The following CNTNAP2 variants were observed in gnomAD, a reference collection of about 807,000 sequenced individuals.
CNTNAP2 encodes the protein contactin-associated protein-like 2.
A neutral mutation model predicts 155.2 loss-of-function variants in CNTNAP2; 98 were observed. The ratio of observed to expected loss-of-function variants is 0.63; its 90% CI spans 0.54 to 0.75. CNTNAP2 has a LOEUF of 0.75. Ranked by LOEUF, CNTNAP2 falls within the 30% of genes least tolerant of loss-of-function variation. The pLI is 0.00. For missense variants in CNTNAP2, 1,727 were observed against 1,688.1 expected, an observed-to-expected ratio of 1.02 and a Z score of -0.40; for synonymous variants, 651 against 631.2, an observed-to-expected ratio of 1.03 and a Z score of -0.47.
chr7:146,733,680 T>A (rs929103759), intron 1 of CNTNAP2, among the ~76,000 whole-genome samples: 1 of 151,820 alleles, frequency 6.6e-6, no homozygotes, highest in Non-Finnish European at 1.5e-5. Context: ...GGATGTGCAG[T>A]CATGGAGGAA....
chr7:148,118,434 T>C, intron 16 of CNTNAP2, 146 bp downstream of exon 16: 5 of 890,668 alleles, frequency 5.6e-6, no homozygotes, highest in Non-Finnish European at 8.8e-6. Flanking sequence ...CACACAAGCC[T>C]GAGTTTGGGC....
At chr7:148,085,485 A>G (rs745701094) in intron 15 of CNTNAP2, among the ~76,000 whole-genome samples, 7 of 152,180 alleles carry the variant, frequency 4.6e-5, no homozygotes, top group Non-Finnish European at 8.8e-5. Context: ...CATATACACC[A>G]ATTGACTAAC....
chr7:147,376,439 A>T (rs928096461), intron 9 of CNTNAP2, among the ~76,000 whole-genome samples: 5 of 151,962 alleles, frequency 3.3e-5, no homozygotes. Flanking sequence ...ATGTTTTGAA[A>T]ATGTTATCTA....
At chr7:146,691,444 C>T (rs948907651) in intron 1 of CNTNAP2, among the ~76,000 whole-genome samples, 4 of 152,094 alleles carry the variant, frequency 2.6e-5, no homozygotes, top group African/African-American at 9.7e-5. Context: ...GCAAAATTAT[C>T]TAACACAAGT....
chr7:146,925,968 G>C (rs1211915378), intron 3 of CNTNAP2, among the ~76,000 whole-genome samples: 1 of 152,078 alleles, frequency 6.6e-6, no homozygotes, highest in Admixed American at 6.6e-5. Flanking sequence ...AGAAGCAATT[G>C]TATGGCACTT....
At chr7:146,916,322 A>G (rs1796393441) in intron 3 of CNTNAP2, among the ~76,000 whole-genome samples, 1 of 152,092 alleles carries the variant, frequency 6.6e-6, no homozygotes, top group Non-Finnish European at 1.5e-5. Flanking sequence ...TTAGAGTGAT[A>G]CTGGATTCAA....
intron 1 of CNTNAP2, among the ~76,000 whole-genome samples, chr7:146,633,482 A>G (rs1309766886): frequency 6.6e-6 from 1 of 152,140 alleles, no homozygotes; most frequent in Non-Finnish European, 1.5e-5. Flanking sequence ...CTTTGATGTT[A>G]GTGTGAAGTT....
At chr7:146,305,352 G>A (rs150779173) in intron 1 of CNTNAP2, among the ~76,000 whole-genome samples, 2,979 of 152,170 alleles carry the variant, frequency 0.02, 124 homozygotes, top group African/African-American at 0.068. Context: ...GAGAAGAGGC[G>A]CTCTGATTTT....
chr7:148,217,238 C>T (rs763930125), intron 18 of CNTNAP2, 50 bp from the exon 19 acceptor site: 56 of 1,581,836 alleles, frequency 3.5e-5, no homozygotes, highest in Middle Eastern at 1.7e-4. Flanking sequence ...TGTAGGGTAT[C>T]GGCATCAGAC....
chr7:147,055,240 T>A (rs543425587), intron 4 of CNTNAP2, among the ~76,000 whole-genome samples: 1 of 152,230 alleles, frequency 6.6e-6, no homozygotes, highest in Non-Finnish European at 1.5e-5. Flanking sequence ...AGATTTATGA[T>A]CACGGCTCTA....
intron 15 of CNTNAP2, among the ~76,000 whole-genome samples, chr7:148,064,824 C>G (rs1803224193): frequency 1.3e-5 from 2 of 151,620 alleles, no homozygotes; most frequent in African/African-American, 4.8e-5. Context: ...TTCTTTTCTT[C>G]TGCTGGGTTT....
At chr7:147,624,965 G>A (rs550319968) in intron 12 of CNTNAP2, among the ~76,000 whole-genome samples, 118 of 152,228 alleles carry the variant, frequency 7.8e-4, no homozygotes, top group African/African-American at 2.6e-3. Context: ...CAACATGGAT[G>A]GAACTAGAGA....
chr7:147,020,916 A>C (rs7781790), intron 3 of CNTNAP2, among the ~76,000 whole-genome samples: 87,869 of 151,848 alleles, frequency 0.58, 27,319 homozygotes, highest in African/African-American at 0.81. Flanking sequence ...ATGTTCTTAG[A>C]AATATTATTA....
chr7:146,950,599 C>A (rs1299481773), intron 3 of CNTNAP2, among the ~76,000 whole-genome samples: 1 of 152,084 alleles, frequency 6.6e-6, no homozygotes, highest in African/African-American at 2.4e-5. Flanking sequence ...CACCTTTATC[C>A]ATGTCCCTGC....
intron 3 of CNTNAP2, among the ~76,000 whole-genome samples, chr7:146,927,845 G>A (rs1181879578): frequency 6.6e-6 from 1 of 151,428 alleles, no homozygotes; most frequent in African/African-American, 2.4e-5. Context: ...AGGTGTAAAT[G>A]GAATAATCAG....
At chr7:146,508,939 T>C (rs1797426170) in intron 1 of CNTNAP2, among the ~76,000 whole-genome samples, 1 of 152,082 alleles carries the variant, frequency 6.6e-6, no homozygotes, top group Admixed American at 6.5e-5. Flanking sequence ...AGGAGTACCT[T>C]CCCCCTTTTT....
rs1434782545 is a variant in CNTNAP2, at chr7:146,269,351, CAAT to C, written c.97+152379_97+152381del. ...GAGACTCCATCTCAAATCAATCAAT[CAAT>C]CAATCAATCAATCAATTAGGGTGTA... On this transcript the variant is annotated intron_variant, in intron 1 of 23. Transcript: ENST00000361727. Among the ~76,000 whole-genome samples, 854 of 152,028 alleles carry C rather than the reference CAAT, an allele frequency of 5.6e-3. 7 individuals carry two copies. Among genetic ancestry groups the C allele is most frequent in the African/African-American group, 0.019 (773 of 41,466 alleles).
intron 1 of CNTNAP2, among the ~76,000 whole-genome samples, chr7:146,562,346 AT>A (rs1415838831): frequency 6.6e-6 from 1 of 152,110 alleles, no homozygotes; most frequent in East Asian, 1.9e-4. Context: ...TAAAAATAAG[AT>A]TCTAGTCTTC....
At chr7:148,351,388 C>G (rs1038908235) in intron 21 of CNTNAP2, among the ~76,000 whole-genome samples, 7 of 151,980 alleles carry the variant, frequency 4.6e-5, no homozygotes, top group Non-Finnish European at 8.8e-5. Flanking sequence ...GGAGTGGGAA[C>G]AGCGAGGACA....
Sources: allele counts gnomAD v4.1 joint callset (sites outside exome capture counted in the v4.1 genomes callset), GRCh38; gene constraint gnomAD v4.1.1; transcripts MANE v1.5; gene names NCBI Gene and HGNC (gene_info 2026-07-23, HGNC 2026-07-21).